Variants in CCBE1 observed in about 807,000 individuals in gnomAD.
CCBE1 encodes the protein collagen and calcium binding EGF domains 1, also known as collagen and calcium-binding EGF domain-containing protein 1.
A neutral mutation model predicts 50.0 loss-of-function variants in CCBE1; 37 were observed. The ratio of observed to expected loss-of-function variants is 0.74; its 90% CI spans 0.57 to 0.97. CCBE1 has a LOEUF of 0.97. Among genes scored for constraint, CCBE1 ranks in the 50% least tolerant of loss-of-function variants. The pLI is 0.00. For synonymous variants in CCBE1, 234 were observed against 203.7 expected (o/e 1.15, Z -1.27); for missense variants, 538 against 523.8 (o/e 1.03, Z -0.26).
At chr18:59,511,896 C>T (rs141684916) in intron 2 of CCBE1, among the ~76,000 whole-genome samples, 229 of 152,316 alleles carry the variant, frequency 1.5e-3, no homozygotes, top group African/African-American at 5.0e-3. Flanking sequence ...CGGAATCCAT[C>T]GAGAGACAGA....
At chr18:59,674,235 T>C (rs2054469240) in intron 2 of CCBE1, among the ~76,000 whole-genome samples, 1 of 152,158 alleles carries the variant, frequency 6.6e-6, no homozygotes, top group Non-Finnish European at 1.5e-5. Flanking sequence ...CAAATGCCCA[T>C]CAATGACAGA....
At chr18:59,640,025 A>C (rs1190352582) in intron 2 of CCBE1, among the ~76,000 whole-genome samples, 4 of 152,208 alleles carry the variant, frequency 2.6e-5, no homozygotes, top group Admixed American at 6.5e-5. Context: ...CCATGCTCAC[A>C]GATAGAATCA....
At chr18:59,566,891 G>T (rs2144471460) in intron 2 of CCBE1, among the ~76,000 whole-genome samples, 1 of 152,218 alleles carries the variant, frequency 6.6e-6, no homozygotes, top group Non-Finnish European at 1.5e-5. Flanking sequence ...CATTGTGAGA[G>T]AACGATGATG....
intron 2 of CCBE1, among the ~76,000 whole-genome samples, chr18:59,652,821 G>A (rs1340860998): frequency 1.3e-5 from 2 of 152,132 alleles, no homozygotes; most frequent in African/African-American, 2.4e-5. Context: ...AAAATTAGCC[G>A]GGCGTGGCGG....
intron 2 of CCBE1, among the ~76,000 whole-genome samples, chr18:59,589,333 G>T (rs967398356): frequency 6.6e-6 from 1 of 152,114 alleles, no homozygotes; most frequent in East Asian, 1.9e-4. Context: ...TCTTACAAAA[G>T]CAACAGGCCC....
intron 2 of CCBE1, chr18:59,563,875 C>G (rs992024): frequency 2.6e-5 from 4 of 152,004 alleles, no homozygotes; most frequent in Non-Finnish European, 5.9e-5. Flanking sequence ...GGGCAGGGAA[C>G]GTGATGAACA....
chr18:59,510,242 A>G (rs1193759804), intron 2 of CCBE1, among the ~76,000 whole-genome samples: 1 of 152,098 alleles, frequency 6.6e-6, no homozygotes, highest in Non-Finnish European at 1.5e-5. Context: ...GCCATATTTC[A>G]CTGTGTGCAT....
intron 2 of CCBE1, among the ~76,000 whole-genome samples, chr18:59,696,018 C>T (rs912250811): frequency 6.6e-6 from 1 of 152,198 alleles, no homozygotes; most frequent in Admixed American, 6.5e-5. Flanking sequence ...ACTACCGATT[C>T]CCTAGCCCCA....
intron 2 of CCBE1, among the ~76,000 whole-genome samples, chr18:59,653,093 CACTT>C (rs930615369): frequency 2.0e-5 from 3 of 152,224 alleles, no homozygotes; most frequent in Admixed American, 6.5e-5. Flanking sequence ...TCTCAGTCCT[CACTT>C]ACCATGTTCC....
chr18:59,535,135 C>T lies in CCBE1; in HGVS notation c.213-54897G>A, dbSNP rs548652092. Reference sequence around the variant, plus strand: ...GATCTTAGACGAGGCATTCAGCATGCTGTAGTTCTGCCTTCAGCAGTAATG... The same window carrying T: ...GATCTTAGACGAGGCATTCAGCATGTTGTAGTTCTGCCTTCAGCAGTAATG... On this transcript the variant is annotated intron_variant, in intron 2 of 10. Coordinates refer to ENST00000439986, the MANE Select transcript of CCBE1 (RefSeq NM_133459.4). 3.9e-5 allele frequency among the ~76,000 whole-genome samples: 3 copies of T among 76,622 alleles called. No homozygotes were observed. In the East Asian group the frequency reaches 7.8e-4, roughly 20 times the overall value. The allele number at this position is 76,622 out of a possible 152,430, so 50.3% of individuals were successfully genotyped here. A position where few individuals can be genotyped will look rare whatever the true frequency, so the allele number is the denominator to read the frequency against.
intron 2 of CCBE1, among the ~76,000 whole-genome samples, chr18:59,519,080 C>T (rs1488367156): frequency 1.3e-5 from 2 of 152,174 alleles, no homozygotes; most frequent in African/African-American, 4.8e-5. Context: ...GAACTTAAGT[C>T]GTTGTCTCAG....
At chr18:59,504,533 A>G (rs948319234) in intron 2 of CCBE1, among the ~76,000 whole-genome samples, 1 of 152,146 alleles carries the variant, frequency 6.6e-6, no homozygotes, top group East Asian at 1.9e-4. Flanking sequence ...AAATCCACTG[A>G]CAGTGTCTTT....
At chr18:59,475,597 C>A (rs1260482134) in intron 3 of CCBE1, among the ~76,000 whole-genome samples, 1 of 152,208 alleles carries the variant, frequency 6.6e-6, no homozygotes, top group African/African-American at 2.4e-5. Flanking sequence ...AGAGTTGATA[C>A]AAATGCTACC....
chr18:59,491,766 G>T (rs1253565513), intron 2 of CCBE1, among the ~76,000 whole-genome samples: 2 of 151,552 alleles, frequency 1.3e-5, no homozygotes, highest in Non-Finnish European at 2.9e-5. Context: ...GTTGAGCCGA[G>T]ATTGCACCAC....
intron 2 of CCBE1, among the ~76,000 whole-genome samples, chr18:59,579,830 C>T (rs933944555): frequency 5.9e-5 from 9 of 152,210 alleles, no homozygotes; most frequent in South Asian, 2.1e-4. Context: ...CTGACTTCCC[C>T]GACTGAGACA....
At chr18:59,516,679 C>T (rs1468561779) in intron 2 of CCBE1, among the ~76,000 whole-genome samples, 1 of 152,160 alleles carries the variant, frequency 6.6e-6, no homozygotes, top group Non-Finnish European at 1.5e-5. Flanking sequence ...TCCTGGCTTG[C>T]TAACTAAGTT....
chr18:59,508,711 CTTTTTT>C lies in CCBE1; in HGVS notation c.213-28479_213-28474del, dbSNP rs55881131. Among the ~76,000 whole-genome samples the C allele has an allele frequency of 3.9e-4, 37 of 95,688 alleles. 1 individual carries two copies. In the South Asian group the frequency reaches 0.011, roughly 28 times the overall value. 62.8% of individuals were successfully genotyped at this position (95,688 alleles called of 152,430 possible). A position where few individuals can be genotyped will look rare whatever the true frequency, so the allele number is the denominator to read the frequency against. On this transcript the variant is annotated intron_variant, in intron 2 of 10. Transcript: ENST00000439986. ...AGCACAGTACACACATAGAGTTACGCTTTTTTTTTTTTTTTTTTTTTTGAGGCAGGG... is the reference window on the plus strand; with the variant it reads ...AGCACAGTACACACATAGAGTTACGCTTTTTTTTTTTTTTTTGAGGCAGGG...
intron 2 of CCBE1, among the ~76,000 whole-genome samples, chr18:59,632,526 G>A (rs578130816): frequency 1.3e-5 from 2 of 150,498 alleles, no homozygotes; most frequent in African/African-American, 2.4e-5. Context: ...TACCTGCCTC[G>A]GCCTCCCAAA....
chr18:59,618,849 T>TA (rs397947535), intron 2 of CCBE1, among the ~76,000 whole-genome samples: 1 of 152,126 alleles, frequency 6.6e-6, no homozygotes, highest in Admixed American at 6.6e-5. Flanking sequence ...AGTTTTTTTT[T>TA]AATAACTATA....
Sources: gnomAD v4.1 joint callset for allele counts (sites outside exome capture counted in the v4.1 genomes callset) on GRCh38, gnomAD v4.1.1 for gene constraint, MANE v1.5 for transcripts, NCBI Gene and HGNC (gene_info 2026-07-23, HGNC 2026-07-21) for gene names.